LDB2: variants seen among roughly 807,000 people sequenced by gnomAD.
The protein encoded by LDB2 is LIM domain binding 2, also known as LIM domain-binding protein 2.
LDB2 carries 12 observed loss-of-function variants against 44.3 expected under a neutral mutation model. That is an observed-to-expected ratio of 0.27 (90% CI 0.17 to 0.44). LDB2 has a LOEUF of 0.44. LDB2 is among the 20% of genes least tolerant of loss of function. LDB2 has a pLI of 1.00. For synonymous variants in LDB2, 164 were observed against 174.8 expected (o/e 0.94, Z 0.49); for missense variants, 344 against 473.5 (o/e 0.73, Z 2.54).
At chr4:16,680,552 C>A (rs1038369956) in intron 2 of LDB2, among the ~76,000 whole-genome samples, 1 of 152,180 alleles carries the variant, frequency 6.6e-6, no homozygotes, top group African/African-American at 2.4e-5. Flanking sequence ...TTACAAAGAT[C>A]CCCTGGAAAA....
chr4:16,762,839 G>A (rs1039172555), intron 1 of LDB2, among the ~76,000 whole-genome samples: 1 of 152,112 alleles, frequency 6.6e-6, no homozygotes, highest in Non-Finnish European at 1.5e-5. Flanking sequence ...GTCACCGGGA[G>A]AAAAGAAAGT....
At chr4:16,643,735 G>A (rs1735857731) in intron 2 of LDB2, among the ~76,000 whole-genome samples, 1 of 150,662 alleles carries the variant, frequency 6.6e-6, no homozygotes, top group Non-Finnish European at 1.5e-5. Flanking sequence ...TTGGTCTTTG[G>A]TACAGCGTAA....
chr4:16,658,459 C>T (rs1245901204), intron 2 of LDB2, among the ~76,000 whole-genome samples: 4 of 152,092 alleles, frequency 2.6e-5, no homozygotes, highest in African/African-American at 9.7e-5. Context: ...TGAAGTAGAC[C>T]AGATGCAGAC....
At chr4:16,811,796 A>G (rs1485803169) in intron 1 of LDB2, among the ~76,000 whole-genome samples, 1 of 152,234 alleles carries the variant, frequency 6.6e-6, no homozygotes, top group Non-Finnish European at 1.5e-5. Flanking sequence ...AAAAGAGTGA[A>G]GCCAGGATAT....
At position 16,856,148 on chromosome 4, in the gene LDB2, C is replaced by G. The variant is rs562630736; in HGVS notation, c.132+42206G>C. On this transcript the variant is annotated intron_variant, in intron 1 of 7. Transcript: ENST00000304523. ...GAAACTAATATGAAAATCCATCCAC[C>G]CTTTATTAAACAAATATTAAAGAGA... Among the ~76,000 whole-genome samples, 10 of 152,194 alleles carry G rather than the reference C, an allele frequency of 6.6e-5. No individual in the cohort carries two copies. In the South Asian group the frequency reaches 1.4e-3, roughly 22 times the overall value.
At chr4:16,616,089 A>G (rs71603328) in intron 2 of LDB2, among the ~76,000 whole-genome samples, 5,012 of 152,282 alleles carry the variant, frequency 0.033, 116 homozygotes, top group Non-Finnish European at 0.054. Flanking sequence ...TCTTCCTAAC[A>G]TTCATGGATA....
chr4:16,717,146 C>G (rs1403887047), intron 2 of LDB2, among the ~76,000 whole-genome samples: 1 of 147,680 alleles, frequency 6.8e-6, no homozygotes, highest in Non-Finnish European at 1.5e-5. Context: ...CACTTTTTGC[C>G]AAAGCTAATA....
chr4:16,888,108 C>A (rs1024966021), intron 1 of LDB2, among the ~76,000 whole-genome samples: 2 of 152,196 alleles, frequency 1.3e-5, no homozygotes, highest in Non-Finnish European at 2.9e-5. Flanking sequence ...AGGCTTCTGA[C>A]CAGTGCTGAC....
intron 1 of LDB2, among the ~76,000 whole-genome samples, chr4:16,775,856 TCAA>T (rs1771769583): frequency 6.6e-6 from 1 of 152,190 alleles, no homozygotes; most frequent in Non-Finnish European, 1.5e-5. Context: ...AGTGAGTTTT[TCAA>T]GCAGACTGAC....
chr4:16,605,448 C>A (rs571308340), intron 2 of LDB2, among the ~76,000 whole-genome samples: 13 of 152,088 alleles, frequency 8.5e-5, no homozygotes, highest in African/African-American at 3.1e-4. Flanking sequence ...TTTTAAGTCA[C>A]ATTAGTAATA....
rs1345992899 is a variant in LDB2, at chr4:16,749,537, C to T, written c.235+9621G>A. Among the ~76,000 whole-genome samples the T allele has an allele frequency of 8.2e-5, 11 of 133,364 alleles. 1 individual carries two copies. In the East Asian group the frequency reaches 8.9e-4, roughly 11 times the overall value. The allele number at this position is 133,364 out of a possible 152,430, so 87.5% of individuals were successfully genotyped here. Reference sequence around the variant, plus strand: ...TCACACCACTGCATTCCAGCCTGAGCGACAGAGCAAGACTCCATCTCAAAA... The same window carrying T: ...TCACACCACTGCATTCCAGCCTGAGTGACAGAGCAAGACTCCATCTCAAAA... On this transcript the variant is annotated intron_variant, in intron 2 of 7. Coordinates refer to ENST00000304523, the MANE Select transcript of LDB2 (RefSeq NM_001290.5).
At chr4:16,575,385 T>C (rs73128950) in intron 5 of LDB2, among the ~76,000 whole-genome samples, 11,635 of 152,190 alleles carry the variant, frequency 0.076, 899 homozygotes, top group African/African-American at 0.2. Context: ...CTTTCAGCAT[T>C]GGACCACTCT....
intron 2 of LDB2, among the ~76,000 whole-genome samples, chr4:16,655,898 T>TTTTTTTTTTTTC (rs1739680352): frequency 7.7e-6 from 1 of 129,158 alleles, no homozygotes; most frequent in African/African-American, 3.0e-5. Context: ...CAAGAAAACT[T>TTTTTTTTTTTTC]TTTTTTTTTT....
intron 5 of LDB2, among the ~76,000 whole-genome samples, chr4:16,567,983 G>A (rs13115639): frequency 0.048 from 7,343 of 152,132 alleles, 244 homozygotes; most frequent in South Asian, 0.13. Context: ...GGAAAGTGAC[G>A]GTGAGAAATG....
chr4:16,769,024 C>T (rs947243212), intron 1 of LDB2, among the ~76,000 whole-genome samples: 2 of 152,168 alleles, frequency 1.3e-5, no homozygotes, highest in African/African-American at 2.4e-5. Context: ...TTATTCAAAA[C>T]AATATCTCTA....
intron 1 of LDB2, among the ~76,000 whole-genome samples, chr4:16,774,799 G>A: frequency 6.6e-6 from 1 of 152,056 alleles, no homozygotes. Context: ...GGGGACTGTG[G>A]GAAAATACCT....
intron 2 of LDB2, among the ~76,000 whole-genome samples, chr4:16,699,134 G>C (rs1443266418): frequency 6.6e-6 from 1 of 152,350 alleles, no homozygotes; most frequent in South Asian, 2.1e-4. Context: ...GAGAGGTCAA[G>C]AGCAGGAGAT....
chr4:16,857,766 G>A (rs1215963300), intron 1 of LDB2, among the ~76,000 whole-genome samples: 1 of 152,144 alleles, frequency 6.6e-6, no homozygotes, highest in Non-Finnish European at 1.5e-5. Flanking sequence ...TCAGCAGTGA[G>A]GCTTTCTCTG....
chr4:16,599,857 C>T (rs777111711), intron 2 of LDB2, among the ~76,000 whole-genome samples: 1 of 152,168 alleles, frequency 6.6e-6, no homozygotes, highest in Admixed American at 6.6e-5. Flanking sequence ...TTTTGTCCCT[C>T]TCTTTCAAAT....
Sources: gnomAD v4.1 joint callset for allele counts (sites outside exome capture counted in the v4.1 genomes callset) on GRCh38, gnomAD v4.1.1 for gene constraint, MANE v1.5 for transcripts, NCBI Gene and HGNC (gene_info 2026-07-23, HGNC 2026-07-21) for gene names.